INTS4: variants seen among roughly 807,000 people sequenced by gnomAD.
INTS4 encodes MSTP093.
In INTS4, 70 loss-of-function variants were observed where a neutral mutation model predicts 119.5. The ratio of observed to expected loss-of-function variants is 0.59; its 90% CI spans 0.48 to 0.71. The LOEUF (loss-of-function observed/expected upper bound fraction) is 0.71, where lower values mean the gene tolerates loss of function less well. Ranked by LOEUF, INTS4 falls within the 30% of genes least tolerant of loss-of-function variation. The pLI is 0.00. For missense variants in INTS4, 867 were observed against 1,173.2 expected (o/e 0.74, Z 3.81); for synonymous variants, 316 against 419.6 (o/e 0.75, Z 3.02).
intron 14 of INTS4, among the ~76,000 whole-genome samples, chr11:77,920,266 CACAT>C (rs1953323934): frequency 4.0e-5 from 2 of 50,124 alleles, no homozygotes; most frequent in African/African-American, 1.8e-4. Context: ...TACATATATA[CACAT>C]ATATATACAC....
At chr11:77,919,933 C>G (rs567094128) in intron 14 of INTS4, among the ~76,000 whole-genome samples, 1 of 151,874 alleles carries the variant, frequency 6.6e-6, no homozygotes, top group South Asian at 2.1e-4. Flanking sequence ...CACAGCTTCC[C>G]GAGTAGCTAG....
intron 8 of INTS4, among the ~76,000 whole-genome samples, chr11:77,950,631 C>T (rs1166907467): frequency 6.6e-5 from 10 of 152,154 alleles, no homozygotes. Flanking sequence ...GAGGTGATAA[C>T]TATACTAACT....
At chr11:77,913,021 C>T (rs1953123923) in intron 15 of INTS4, among the ~76,000 whole-genome samples, 1 of 152,136 alleles carries the variant, frequency 6.6e-6, no homozygotes, top group South Asian at 2.1e-4. Flanking sequence ...TCCAAAAGAA[C>T]AATTCTCTAT....
At chr11:77,963,703 G>A (rs1212152617) in intron 4 of INTS4, among the ~76,000 whole-genome samples, 1 of 151,518 alleles carries the variant, frequency 6.6e-6, no homozygotes, top group East Asian at 1.9e-4. Flanking sequence ...TTTCTTTTGA[G>A]ATAAGGGTCT....
At chr11:77,916,207 T>C (rs1354300118) in intron 15 of INTS4, among the ~76,000 whole-genome samples, 1 of 152,280 alleles carries the variant, frequency 6.6e-6, no homozygotes, top group Non-Finnish European at 1.5e-5. Flanking sequence ...ACAAGTCATG[T>C]GTTGTTTAAC....
chr11:77,983,630 G>T (rs1338613815), intron 2 of INTS4, among the ~76,000 whole-genome samples: 1 of 152,078 alleles, frequency 6.6e-6, no homozygotes, highest in Non-Finnish European at 1.5e-5. Flanking sequence ...ACTACAATGA[G>T]ACACCATCTC....
chr11:77,911,064 A>G, intron 15 of INTS4: 1 of 1,288,590 alleles, frequency 7.8e-7, no homozygotes. Context: ...CCACTGGACT[A>G]TGACACTTCC....
At position 77,889,102 on chromosome 11, in the gene INTS4, G is replaced by T. The variant is rs570577052; in HGVS notation, c.2592+2217C>A. Among the ~76,000 whole-genome samples the T allele has an allele frequency of 8.3e-4, 126 of 152,220 alleles. 1 individual carries two copies. The highest frequency in any genetic ancestry group is 3.0e-3 in the African/African-American group (125 of 41,520). On this transcript the variant is annotated intron_variant, in intron 21 of 22. Transcript: ENST00000534064. ...ATATACCCAAAGGATTATAAATCAT[G>T]CTGCTATAAAGACACATGCACACAT... is the stretch of plus-strand genomic sequence containing the variant.
At chr11:77,913,918 A>G (rs1469068415) in intron 15 of INTS4, among the ~76,000 whole-genome samples, 2 of 152,156 alleles carry the variant, frequency 1.3e-5, no homozygotes, top group Non-Finnish European at 2.9e-5. Context: ...AACAACTCAG[A>G]AAGTGTAAGT....
At chr11:77,987,718 GA>G (rs1856511916) in intron 2 of INTS4, 6 of 436,896 alleles carry the variant, frequency 1.4e-5, no homozygotes, top group South Asian at 9.6e-5. Context: ...AAATTAAAAA[GA>G]AAAAATTAGC....
intron 10 of INTS4, among the ~76,000 whole-genome samples, chr11:77,935,424 A>G (rs2136512959): frequency 6.6e-6 from 1 of 152,290 alleles, no homozygotes; most frequent in South Asian, 2.1e-4. Context: ...TAGAAAGGAG[A>G]GAACTACACA....
chr11:77,876,004 T>C (rs1951583715), downstream of INTS4, among the ~76,000 whole-genome samples: 1 of 152,092 alleles, frequency 6.6e-6, no homozygotes, highest in African/African-American at 2.4e-5. Flanking sequence ...AGTGATCCAC[T>C]GAAAGGGACT....
intron 22 of INTS4, among the ~76,000 whole-genome samples, chr11:77,882,704 C>A (rs952132371): frequency 6.6e-6 from 1 of 152,154 alleles, no homozygotes; most frequent in African/African-American, 2.4e-5. Flanking sequence ...CACTAGAACC[C>A]CAAAGGGGCT....
At chr11:77,905,956 T>C (rs1952939359) in intron 16 of INTS4, among the ~76,000 whole-genome samples, 1 of 152,238 alleles carries the variant, frequency 6.6e-6, no homozygotes, top group South Asian at 2.1e-4. Context: ...TTTTATTATA[T>C]TAAGTGATGT....
chr11:77,916,841 A>T (rs1050911846), intron 15 of INTS4, among the ~76,000 whole-genome samples: 2 of 152,212 alleles, frequency 1.3e-5, no homozygotes, highest in Non-Finnish European at 2.9e-5. Flanking sequence ...TCATTTATCA[A>T]ATTGATGATT....
In INTS4 at chr11:77,961,062, C is replaced by A. The variant is rs1485271599; in HGVS notation, c.548G>T (p.Ser183Ile). ...LLGNLGSLEK[S>I]VTKDAEGLAA... ...TAGGCCTTCTGCATCTTTTGTGACA[C>A]TTTTCTCCAAAGAGCCAAGATTGCC... The change falls in exon 5 of 23, where the codon AGT (serine) becomes ATT (isoleucine). Residue 183 changes from serine (S) to isoleucine (I), a missense_variant. Around this residue, in one of 5 missense-constraint regions of INTS4, gnomAD observed 224 missense variants for 231.8 expected, o/e 0.97. Coordinates refer to ENST00000534064, the MANE Select transcript of INTS4 (RefSeq NM_033547.4). The A allele has an allele frequency of 1.2e-6, 2 of 1,608,044 alleles. No homozygotes were observed. Among genetic ancestry groups the A allele is most frequent in the African/African-American group, 2.7e-5 (2 of 73,260 alleles).
intron 4 of INTS4, chr11:77,978,276 T>A (rs2136636302): frequency 6.6e-6 from 1 of 152,330 alleles, no homozygotes; most frequent in East Asian, 1.9e-4. Flanking sequence ...AAGTAATCTT[T>A]CCTGCATCTC....
At chr11:77,950,077 T>C (rs947300144) in intron 8 of INTS4, among the ~76,000 whole-genome samples, 2 of 152,126 alleles carry the variant, frequency 1.3e-5, no homozygotes, top group Non-Finnish European at 2.9e-5. Context: ...GGGACATGGA[T>C]GAAGCTGGAA....
rs528057680 is a variant in INTS4 at position 77,975,816 on chromosome 11, C to A, written c.471+3180G>T. On this transcript the variant is annotated intron_variant, in intron 4 of 22. Transcript: ENST00000534064. ...ACTAAAAATACAAAAATTAGCTGGG[C>A]GTGGTGGCACGCACCTGTAGTCCCA... is the stretch of plus-strand genomic sequence containing the variant. 2.0e-5 allele frequency among the ~76,000 whole-genome samples: 3 copies of A among 151,834 alleles called. No homozygotes were observed. In the South Asian group the frequency reaches 6.2e-4, roughly 32 times the overall value.
Sources: gnomAD v4.1 joint callset for allele counts (sites outside exome capture counted in the v4.1 genomes callset) on GRCh38, gnomAD v4.1.1 for gene constraint, gnomAD v4.1.1 regional missense constraint, MANE v1.5 for transcripts, NCBI Gene and HGNC (gene_info 2026-07-23, HGNC 2026-07-21) for gene names.